The following EPHX4 variants were observed in gnomAD, a reference collection of about 807,000 sequenced individuals.
EPHX4 encodes the protein epoxide hydrolase 4.
A neutral mutation model predicts 44.9 loss-of-function variants in EPHX4; 31 were observed. That is an observed-to-expected ratio of 0.69 (90% CI 0.52 to 0.93). EPHX4 has a LOEUF of 0.93. EPHX4 is among the 40% of genes least tolerant of loss of function. The probability of loss-of-function intolerance (pLI) is 0.00; values close to 1 mark genes in which losing one functional copy is unlikely to be tolerated. For missense variants in EPHX4, 373 were observed against 438.1 expected (o/e 0.85, Z 1.33); for synonymous variants, 151 against 159.7 (o/e 0.95, Z 0.41).
chr1:92,062,581 T>C (rs1230786518), intron 6 of EPHX4, among the ~76,000 whole-genome samples: 4 of 89,254 alleles, frequency 4.5e-5, no homozygotes, highest in Non-Finnish European at 7.8e-5. Context: ...TGAAACTCCA[T>C]CTCAAAAAAA....
intron 2 of EPHX4, among the ~76,000 whole-genome samples, chr1:92,034,179 A>ACT (rs1416957386): frequency 1.0e-4 from 15 of 150,024 alleles, no homozygotes; most frequent in African/African-American, 3.7e-4. Context: ...AGGCGCCTGT[A>ACT]CTCCCAGCTA....
chr1:92,054,573 G>C (rs566516909), intron 6 of EPHX4, among the ~76,000 whole-genome samples: 1 of 132,454 alleles, frequency 7.5e-6, no homozygotes, highest in Non-Finnish European at 1.5e-5. Flanking sequence ...GGGTGACAGA[G>C]AGAGACTCCA....
intron 6 of EPHX4, among the ~76,000 whole-genome samples, chr1:92,053,223 A>T (rs535617728): frequency 3.3e-5 from 5 of 152,274 alleles, no homozygotes; most frequent in Admixed American, 6.5e-5. Context: ...ACTAAACAAG[A>T]TTGGGGACAG....
At chr1:92,047,936 A>G (rs542781275) in intron 4 of EPHX4, among the ~76,000 whole-genome samples, 1 of 152,344 alleles carries the variant, frequency 6.6e-6, no homozygotes, top group Admixed American at 6.5e-5. Context: ...CTTAATAGTG[A>G]TTAAAGACCT....
Position 92,030,278 on chromosome 1 carries a change from T to A in EPHX4, c.199T>A (p.Ser67Thr), listed in dbSNP as rs765145584. Reference protein sequence around the residue: ...EHPPACLSDPSLGTHCYVRIK... With the variant: ...EHPPACLSDPTLGTHCYVRIK... ...CCCTCCCGCGTGCCTGAGCGACCCC[T>A]CCTTGGGCACCCACTGCTACGTGCG... The change falls in exon 1 of 7, where the codon TCC (serine) becomes ACC (threonine). Residue 67 changes from serine (S) to threonine (T), a missense_variant. Physicochemically the swap from Ser to Thr is moderately conservative, Grantham distance 58. Coordinates refer to ENST00000370383, the MANE Select transcript of EPHX4 (RefSeq NM_173567.5). 12 of 1,597,022 alleles carry A rather than the reference T, an allele frequency of 7.5e-6. No individual in the cohort carries two copies. Among genetic ancestry groups the A allele is most frequent in the Non-Finnish European group, 1.0e-5 (12 of 1,172,492 alleles).
At chr1:92,049,262 G>A (rs373384336) in intron 4 of EPHX4, among the ~76,000 whole-genome samples, 1 of 151,940 alleles carries the variant, frequency 6.6e-6, no homozygotes, top group African/African-American at 2.4e-5. Context: ...GATGTTCTCC[G>A]TAGATCTTTG....
chr1:92,055,973 A>G (rs533753607), intron 6 of EPHX4, among the ~76,000 whole-genome samples: 16 of 152,122 alleles, frequency 1.1e-4, no homozygotes, highest in African/African-American at 3.6e-4. Flanking sequence ...AATCACTGGA[A>G]TCCTGTTAAT....
At chr1:92,050,161 C>G (rs1283629892) in intron 4 of EPHX4, among the ~76,000 whole-genome samples, 156 bp from the exon 5 acceptor site, 3 of 151,964 alleles carry the variant, frequency 2.0e-5, no homozygotes, top group African/African-American at 7.2e-5. Context: ...CGGAATTACT[C>G]AAGATATAAG....
In EPHX4 at chr1:92,063,413, C is replaced by A. The variant is rs1287699062; in HGVS notation, c.*127C>A. 3.1e-6 allele frequency: 2 copies of A among 647,964 alleles called. No individual in the cohort carries two copies. The highest frequency in any genetic ancestry group is 2.1e-5 in the African/African-American group (1 of 48,110). 40.1% of individuals were successfully genotyped at this position (647,964 alleles called of 1,614,324 possible). On this transcript the variant is annotated 3_prime_UTR_variant, in exon 7 of 7. Transcript: ENST00000370383. ...AATGTGCTTTATCATAAATAAATAT[C>A]CTGACAAATGGTATTGAAAAAAATC...
intron 2 of EPHX4, among the ~76,000 whole-genome samples, chr1:92,037,342 T>A (rs1175478260): frequency 1.3e-5 from 2 of 152,202 alleles, no homozygotes; most frequent in Admixed American, 6.5e-5. Context: ...ATTTCATGTA[T>A]ACAATTAGCT....
At position 92,050,335 on chromosome 1, in the gene EPHX4, C is replaced by A; in HGVS notation, c.623C>A (p.Pro208His). 1 of 1,603,734 alleles carries A rather than the reference C, an allele frequency of 6.2e-7. No individual in the cohort carries two copies. Among genetic ancestry groups the A allele is most frequent in the Non-Finnish European group, 8.5e-7 (1 of 1,174,388 alleles). ...NVFTEYILRH[P>H]AQLLKSSYYY... ...ATTTCAGAATATATTTTACGACACC[C>A]TGCTCAGCTGTTGAAATCCAGTTAT... is the stretch of plus-strand genomic sequence containing the variant. The change falls in exon 5 of 7, where the codon CCT becomes CAT. Residue 208 changes from proline to histidine, a missense_variant. Transcript: ENST00000370383.
chr1:92,051,306 A>C (rs1647246337), intron 5 of EPHX4, among the ~76,000 whole-genome samples: 1 of 152,098 alleles, frequency 6.6e-6, no homozygotes, highest in Admixed American at 6.5e-5. Context: ...CAACTCCTTA[A>C]TATCATTTAA....
At chr1:92,057,655 A>G (rs962829080) in intron 6 of EPHX4, among the ~76,000 whole-genome samples, 3 of 151,418 alleles carry the variant, frequency 2.0e-5, no homozygotes, top group Admixed American at 6.6e-5. Flanking sequence ...ACTGGAGTGC[A>G]GTGGTGCAAT....
chr1:92,036,231 G>A (rs756617574), intron 2 of EPHX4, among the ~76,000 whole-genome samples: 25 of 151,930 alleles, frequency 1.6e-4, no homozygotes, highest in Non-Finnish European at 3.4e-4. Flanking sequence ...ACCTCTTTAC[G>A]TGCAGAACAA....
chr1:92,059,937 C>T (rs1647452258), intron 6 of EPHX4, among the ~76,000 whole-genome samples: 1 of 150,668 alleles, frequency 6.6e-6, no homozygotes, highest in Non-Finnish European at 1.5e-5. Context: ...ACACTTCACT[C>T]CAGCCTCGAA....
intron 4 of EPHX4, 95 bp downstream of exon 4, chr1:92,045,755 A>G (rs1336153706): frequency 1.4e-6 from 2 of 1,406,742 alleles, no homozygotes; most frequent in Non-Finnish European, 2.0e-6. Flanking sequence ...TTTGGTTACT[A>G]TCATATTTTA....
In EPHX4 at chr1:92,063,100, A is replaced by G. The variant is rs200730529; in HGVS notation, c.903A>G (p.Leu301=). The G allele has an allele frequency of 5.1e-5, 83 of 1,614,068 alleles. No individual in the cohort carries two copies. In the East Asian group the frequency reaches 1.6e-3, roughly 32 times the overall value. ...ACATGGTGACCACTCCAACACTACT[A>G]CTGTGGGGAGAGAATGACGCATTCA... The part of the protein sequence containing the change: ...KHHMVTTPTL[L]LWGENDAFME... The change falls in exon 7 of 7, where the codon CTA becomes CTG. Residue 301 remains leucine, a synonymous_variant. Transcript: ENST00000370383.
intron 4 of EPHX4, among the ~76,000 whole-genome samples, chr1:92,046,817 A>G (rs1688589031): frequency 6.6e-6 from 1 of 152,190 alleles, no homozygotes; most frequent in South Asian, 2.1e-4. Context: ...TGATTTTTTA[A>G]TACTATACTC....
intron 2 of EPHX4, among the ~76,000 whole-genome samples, chr1:92,039,021 T>C (rs895530954): frequency 6.6e-6 from 1 of 152,222 alleles, no homozygotes; most frequent in Non-Finnish European, 1.5e-5. Flanking sequence ...AAGATCAATA[T>C]TACCATACAA....
Sources: allele counts gnomAD v4.1 joint callset (sites outside exome capture counted in the v4.1 genomes callset), GRCh38; gene constraint gnomAD v4.1.1; transcripts MANE v1.5; gene names NCBI Gene and HGNC (gene_info 2026-07-23, HGNC 2026-07-21).